KYNU: variants seen among roughly 807,000 people sequenced by gnomAD.
The protein encoded by KYNU is kynureninase, also known as L-kynurenine hydrolase.
In KYNU, 54 loss-of-function variants were observed where a neutral mutation model predicts 59.2. The ratio of observed to expected loss-of-function variants is 0.91; its 90% CI spans 0.73 to 1.14. The LOEUF is 1.14. KYNU is among the 50% of genes most tolerant of loss of function. KYNU has a pLI of 0.00. For missense variants in KYNU, 567 were observed against 554.4 expected, an observed-to-expected ratio of 1.02 and a Z score of -0.23; for synonymous variants, 177 against 192.0, an observed-to-expected ratio of 0.92 and a Z score of 0.65.
intron 8 of KYNU, among the ~76,000 whole-genome samples, chr2:142,974,015 A>C (rs1265125610): frequency 2.0e-5 from 3 of 152,218 alleles, no homozygotes; most frequent in African/African-American, 7.2e-5. Context: ...GTTTAGCTTT[A>C]AAGTTGCCCA....
At chr2:142,926,754 A>T (rs1048708534) in intron 3 of KYNU, among the ~76,000 whole-genome samples, 2 of 152,212 alleles carry the variant, frequency 1.3e-5, no homozygotes, top group African/African-American at 2.4e-5. Context: ...AGCTTGCCCT[A>T]ACCAACAAGG....
chr2:142,943,284 G>A (rs1391518195), intron 4 of KYNU, among the ~76,000 whole-genome samples: 1 of 151,896 alleles, frequency 6.6e-6, no homozygotes, highest in Admixed American at 6.6e-5. Context: ...GTATATTTTG[G>A]GTCGTGATTG....
chr2:142,885,188 G>A (rs1169639741), intron 1 of KYNU, among the ~76,000 whole-genome samples, 161 bp from the exon 2 acceptor site: 1 of 149,984 alleles, frequency 6.7e-6, no homozygotes, highest in Non-Finnish European at 1.5e-5. Flanking sequence ...TCATATATGA[G>A]AAAAACTCAT....
intron 2 of KYNU, among the ~76,000 whole-genome samples, chr2:142,897,008 G>T (rs1681900999): frequency 6.6e-6 from 1 of 152,258 alleles, no homozygotes; most frequent in East Asian, 1.9e-4. Flanking sequence ...CAGTCTTAAA[G>T]ACTTCTTTCG....
At chr2:142,892,055 G>C (rs1332567801) in intron 2 of KYNU, among the ~76,000 whole-genome samples, 1 of 152,054 alleles carries the variant, frequency 6.6e-6, no homozygotes, top group Non-Finnish European at 1.5e-5. Context: ...TGGGACTACA[G>C]ATGCATACCA....
chr2:142,929,359 C>CAAAAAAA (rs5834929), intron 4 of KYNU, among the ~76,000 whole-genome samples: 1 of 106,448 alleles, frequency 9.4e-6, no homozygotes, highest in African/African-American at 3.7e-5. Flanking sequence ...TTGCCTTTCT[C>CAAAAAAA]AAAAAAAAAA....
chr2:143,001,212 T>C (rs1027070583), intron 10 of KYNU, among the ~76,000 whole-genome samples: 73 of 152,182 alleles, frequency 4.8e-4, no homozygotes, highest in African/African-American at 1.6e-3. Flanking sequence ...GGAGGGCACT[T>C]TAAGAGTCTG....
intron 2 of KYNU, among the ~76,000 whole-genome samples, chr2:142,909,343 A>T (rs1006486500): frequency 6.7e-6 from 1 of 149,876 alleles, no homozygotes; most frequent in Non-Finnish European, 1.5e-5. Context: ...TGCTGTTTGT[A>T]TTTTTTTTTT....
Position 142,882,504 on chromosome 2 carries a change from G to A in KYNU, c.-19-2845G>A, listed in dbSNP as rs560944802. ...ATCCCCCCACTCCACGACAGGCTCC[G>A]GTGTGTGATGTTCCCCGCCCTGTGT... On this transcript the variant is annotated intron_variant, in intron 1 of 13. Coordinates refer to ENST00000264170, the MANE Select transcript of KYNU (RefSeq NM_003937.3). Among the ~76,000 whole-genome samples the A allele has an allele frequency of 2.3e-4, 35 of 152,016 alleles. No individual in the cohort carries two copies. In the East Asian group the frequency reaches 2.9e-3, roughly 13 times the overall value.
At position 143,052,154 on chromosome 2, in the gene KYNU, A is replaced by G. The variant is rs1687278033; in HGVS notation, c.*9982A>G. On this transcript the variant is annotated 3_prime_UTR_variant, in exon 14 of 14. Transcript: ENST00000264170. ...CCCCTGCCCTAGAGATTTGTGGGAC[A>G]TTAAACTTGAGACAGATTATTTAGG... 1 of 152,304 alleles carries G rather than the reference A, an allele frequency of 6.6e-6. No homozygotes were observed. The highest frequency in any genetic ancestry group is 6.5e-5 in the Admixed American group (1 of 15,278). The allele number at this position is 152,304 out of a possible 1,614,324, so 9.4% of individuals were successfully genotyped here. A position where few individuals can be genotyped will look rare whatever the true frequency, so the allele number is the denominator to read the frequency against.
chr2:142,901,428 AG>A (rs1682084586), intron 2 of KYNU, among the ~76,000 whole-genome samples: 2 of 152,080 alleles, frequency 1.3e-5, no homozygotes, highest in African/African-American at 2.4e-5. Context: ...TTTTTAATGG[AG>A]AGTTCTGCCT....
chr2:142,933,925 A>T (rs1048150593), intron 4 of KYNU, among the ~76,000 whole-genome samples: 2 of 152,114 alleles, frequency 1.3e-5, no homozygotes, highest in Non-Finnish European at 2.9e-5. Flanking sequence ...GGTGTAAAGG[A>T]ATTGTGGGGA....
At chr2:142,898,256 CT>C (rs1027916140) in intron 2 of KYNU, among the ~76,000 whole-genome samples, 1,628 of 147,296 alleles carry the variant, frequency 0.011, 23 homozygotes, top group African/African-American at 0.038. Context: ...TTTTCTTTTT[CT>C]TTTTTTTTTT....
At chr2:142,957,920 C>A in intron 7 of KYNU, 1 of 518,464 alleles carries the variant, frequency 1.9e-6, no homozygotes. Context: ...TTTTCAAGGG[C>A]TAGCCATATG....
At chr2:143,032,560 A>G (rs1353195446) in intron 11 of KYNU, among the ~76,000 whole-genome samples, 2 of 152,250 alleles carry the variant, frequency 1.3e-5, no homozygotes, top group Admixed American at 6.5e-5. Context: ...TTAGTCAGTC[A>G]TAGTGTTAAC....
At chr2:143,023,783 C>T (rs552684941) in intron 10 of KYNU, among the ~76,000 whole-genome samples, 73 of 151,166 alleles carry the variant, frequency 4.8e-4, no homozygotes, top group South Asian at 4.2e-3. Flanking sequence ...AAAATAAGTA[C>T]TAAATAAAAA....
intron 2 of KYNU, among the ~76,000 whole-genome samples, chr2:142,904,770 T>C (rs1161567081): frequency 6.6e-6 from 1 of 152,208 alleles, no homozygotes; most frequent in Non-Finnish European, 1.5e-5. Context: ...CAGTGTTCTC[T>C]ATGGTCCTTT....
chr2:142,951,697 G>A (rs1004766936), intron 4 of KYNU, among the ~76,000 whole-genome samples: 2 of 152,190 alleles, frequency 1.3e-5, no homozygotes, highest in African/African-American at 4.8e-5. Flanking sequence ...AGTTATAAGT[G>A]TACACATTCT....
chr2:142,948,132 C>T (rs547256883), intron 4 of KYNU: 2 of 152,298 alleles, frequency 1.3e-5, no homozygotes, highest in East Asian at 1.9e-4. Context: ...ACTGCTGCAC[C>T]CTGGTCACTG....
Sources: allele counts gnomAD v4.1 joint callset (sites outside exome capture counted in the v4.1 genomes callset), GRCh38; gene constraint gnomAD v4.1.1; transcripts MANE v1.5; gene names NCBI Gene and HGNC (gene_info 2026-07-23, HGNC 2026-07-21).